Variants in FGD4 observed in about 807,000 individuals in gnomAD.
FGD4 encodes FYVE, RhoGEF and PH domain-containing protein 4.
FGD4 carries 42 observed loss-of-function variants against 102.0 expected under a neutral mutation model. The ratio of observed to expected loss-of-function variants is 0.41; its 90% CI spans 0.32 to 0.53. FGD4 has a LOEUF of 0.53. FGD4 is among the 20% of genes least tolerant of loss of function. The pLI, the probability that FGD4 is intolerant of heterozygous loss-of-function variation, is 0.21. For synonymous variants in FGD4, 380 were observed against 375.7 expected (o/e 1.01, Z -0.13); for missense variants, 902 against 1,078.2 (o/e 0.84, Z 2.29).
rs1207230700 is a variant in FGD4, at chr12:32,544,888, C to T, written c.167-19249C>T. On this transcript the variant is annotated intron_variant, in intron 1 of 16. Coordinates refer to ENST00000534526, the MANE Select transcript of FGD4 (RefSeq NM_001370298.3). The surrounding 1 kb of genome is among the most constrained non-coding windows in gnomAD (Gnocchi z 4.1). ...AACACTAAGCATGGTGACTCTCAAC[C>T]ATGACTGCACAGTGGGATTGCCTGG... is the stretch of plus-strand genomic sequence containing the variant. Among the ~76,000 whole-genome samples the T allele has an allele frequency of 6.6e-6, 1 of 152,192 alleles. No individual in the cohort carries two copies. Among genetic ancestry groups the T allele is most frequent in the Non-Finnish European group, 1.5e-5 (1 of 68,040 alleles).
intron 1 of FGD4, among the ~76,000 whole-genome samples, chr12:32,517,366 G>T (rs1367308639): frequency 6.6e-6 from 1 of 151,810 alleles, no homozygotes; most frequent in African/African-American, 2.4e-5. Flanking sequence ...TTCAGCACTG[G>T]ATTTTATAAT....
At chr12:32,548,798 C>G (rs1592179144) in intron 1 of FGD4, among the ~76,000 whole-genome samples, 1 of 152,326 alleles carries the variant, frequency 6.6e-6, no homozygotes, top group Admixed American at 6.5e-5. Context: ...GTCAGAACAT[C>G]GTGAGATCAT....
intron 7 of FGD4, among the ~76,000 whole-genome samples, chr12:32,604,305 CT>C (rs1948625070): frequency 6.6e-6 from 1 of 151,896 alleles, no homozygotes; most frequent in Non-Finnish European, 1.5e-5. Context: ...GTCCTTTTCA[CT>C]TTCTCTTTTT....
At chr12:32,525,666 T>C (rs1592107266) in intron 1 of FGD4, among the ~76,000 whole-genome samples, 3 of 151,876 alleles carry the variant, frequency 2.0e-5, no homozygotes, top group African/African-American at 4.8e-5. Context: ...TGCAGGGAGG[T>C]GTGGAGGGAG....
At chr12:32,417,996 G>T (rs551284112) in intron 1 of FGD4, among the ~76,000 whole-genome samples, 1 of 129,254 alleles carries the variant, frequency 7.7e-6, no homozygotes, top group Non-Finnish European at 1.6e-5. Flanking sequence ...TCGCTCTGTC[G>T]CCCAGGCTGG....
In FGD4 at chr12:32,602,189, C is replaced by T. The variant is rs1204289708; in HGVS notation, c.1276C>T (p.Leu426Phe). The T allele has an allele frequency of 2.5e-6, 4 of 1,613,942 alleles. No homozygotes were observed. The highest frequency in any genetic ancestry group is 1.3e-5 in the African/African-American group (1 of 74,894). Residue 426 changes from leucine (L) to phenylalanine (F), a missense_variant, in exon 7 of 17, where the codon CTT becomes TTT. Coordinates refer to ENST00000534526, the MANE Select transcript of FGD4 (RefSeq NM_001370298.3). ...AACTACTCCTAGAATTGGAGACATC[C>T]TTCAGAAATTGGCACCATTCCTTAA... is the stretch of plus-strand genomic sequence containing the variant. ...WETTPRIGDI[L>F]QKLAPFLKMY...
At chr12:32,427,755 G>T (rs1941896726) in intron 1 of FGD4, among the ~76,000 whole-genome samples, 2 of 152,136 alleles carry the variant, frequency 1.3e-5, no homozygotes, top group East Asian at 3.8e-4. Context: ...CCTGTATTGG[G>T]TGCATATATA....
chr12:32,588,343 G>C (rs1387177039), intron 4 of FGD4, among the ~76,000 whole-genome samples: 1 of 152,190 alleles, frequency 6.6e-6, no homozygotes, highest in Non-Finnish European at 1.5e-5. Flanking sequence ...TTGAGATGGA[G>C]AGTTAAGACA....
intron 1 of FGD4, among the ~76,000 whole-genome samples, chr12:32,538,954 T>G (rs1669741999): frequency 6.6e-6 from 1 of 152,060 alleles, no homozygotes; most frequent in Non-Finnish European, 1.5e-5. Context: ...CTCAGTAGGT[T>G]GAGGCAGGAG....
chr12:32,452,435 A>G (rs1241851034), intron 1 of FGD4, among the ~76,000 whole-genome samples: 1 of 152,260 alleles, frequency 6.6e-6, no homozygotes, highest in Admixed American at 6.5e-5. Context: ...TTTTTGATAG[A>G]CAATATTTAA....
rs1946973784 is a variant in FGD4 at position 32,585,769 on chromosome 12, G to A, written c.1011+3302G>A. The stretch of plus-strand genomic sequence containing the variant: ...GGATTGCTTGAACCCAGAAGGTCGA[G>A]GCAGCAGTGAGCTATGATCCTGCTA... On this transcript the variant is annotated intron_variant, in intron 4 of 16. Coordinates refer to ENST00000534526, the MANE Select transcript of FGD4 (RefSeq NM_001370298.3). Among the ~76,000 whole-genome samples the A allele has an allele frequency of 2.0e-5, 3 of 149,088 alleles. No homozygotes were observed. The South Asian group carries it at 6.3e-4, about 31-fold the overall frequency.
At chr12:32,597,878 T>C (rs1948037283) in intron 4 of FGD4, among the ~76,000 whole-genome samples, 1 of 152,166 alleles carries the variant, frequency 6.6e-6, no homozygotes, top group Non-Finnish European at 1.5e-5. Flanking sequence ...TGATTGAAGT[T>C]TTTCTTTCTG....
At chr12:32,436,028 T>C (rs1293352208) in intron 1 of FGD4, among the ~76,000 whole-genome samples, 1 of 152,220 alleles carries the variant, frequency 6.6e-6, no homozygotes, top group East Asian at 1.9e-4. Context: ...CGGAAGGACA[T>C]ATCTGCTGTC....
At chr12:32,503,013 A>G (rs988456212) in intron 1 of FGD4, among the ~76,000 whole-genome samples, 4 of 152,176 alleles carry the variant, frequency 2.6e-5, no homozygotes, top group African/African-American at 9.7e-5. Context: ...TGAGCAGTAG[A>G]AGGAGATTTG....
intron 14 of FGD4, among the ~76,000 whole-genome samples, chr12:32,625,994 A>T (rs1950144747): frequency 6.6e-6 from 1 of 152,250 alleles, no homozygotes; most frequent in South Asian, 2.1e-4. Context: ...AATGGGGAAG[A>T]CAGACAAATA....
intron 2 of FGD4, among the ~76,000 whole-genome samples, chr12:32,567,844 G>A (rs753621745): frequency 2.0e-5 from 3 of 151,982 alleles, no homozygotes; most frequent in Admixed American, 6.6e-5. Context: ...GTACCACAAC[G>A]CCCAGATAAT....
intron 1 of FGD4, among the ~76,000 whole-genome samples, chr12:32,407,972 CTTTA>C (rs59676286): frequency 0.12 from 17,694 of 145,508 alleles, 2,049 homozygotes; most frequent in African/African-American, 0.29. Flanking sequence ...TAATCCTAGA[CTTTA>C]TTTATTTATT....
intron 1 of FGD4, among the ~76,000 whole-genome samples, chr12:32,444,588 A>G (rs953171014): frequency 3.9e-5 from 6 of 152,082 alleles, no homozygotes; most frequent in Non-Finnish European, 5.9e-5. Context: ...TATTTTTAGT[A>G]GAGACGGTGT....
At chr12:32,515,031 A>T (rs528131036) in intron 1 of FGD4, among the ~76,000 whole-genome samples, 2 of 152,170 alleles carry the variant, frequency 1.3e-5, no homozygotes, top group Admixed American at 1.3e-4. Context: ...GAACTATTTT[A>T]CTCACCTTAT....
Sources: allele counts gnomAD v4.1 joint callset (sites outside exome capture counted in the v4.1 genomes callset), GRCh38; gene constraint gnomAD v4.1.1; non-coding constraint Gnocchi (gnomAD v3.1); transcripts MANE v1.5; gene names NCBI Gene and HGNC (gene_info 2026-07-23, HGNC 2026-07-21).